Variants in OPN3 observed in about 807,000 individuals in gnomAD.
The protein encoded by OPN3 is opsin-3.
A neutral mutation model predicts 33.8 loss-of-function variants in OPN3; 29 were observed. The observed-to-expected ratio is 0.86, with a 90% CI of 0.64 to 1.17. OPN3 has a LOEUF of 1.17. Among genes scored for constraint, OPN3 ranks in the 50% most tolerant of loss-of-function variants. The pLI is 0.00. For synonymous variants in OPN3, 216 were observed against 216.1 expected (o/e 1.00, Z 0.00); for missense variants, 437 against 514.1 (o/e 0.85, Z 1.45).
intron 1 of OPN3, among the ~76,000 whole-genome samples, chr1:241,628,071 T>G (rs898757360): frequency 1.3e-5 from 2 of 152,008 alleles, no homozygotes; most frequent in African/African-American, 4.8e-5. Flanking sequence ...CTTCGGAGAG[T>G]GTTAAACGAT....
At chr1:241,612,630 A>G (rs996977162) in intron 1 of OPN3, among the ~76,000 whole-genome samples, 1 of 152,194 alleles carries the variant, frequency 6.6e-6, no homozygotes, top group Non-Finnish European at 1.5e-5. Flanking sequence ...AGAATCACGT[A>G]GACCCTGTGA....
chr1:241,604,130 G>A (rs1663755753), intron 2 of OPN3, 130 bp downstream of exon 2: 1 of 742,790 alleles, frequency 1.3e-6, no homozygotes, highest in African/African-American at 1.8e-5. Flanking sequence ...CAACCAGATG[G>A]GAAGTCCCCT....
At chr1:241,595,919 A>G (rs1663494527) in intron 3 of OPN3, among the ~76,000 whole-genome samples, 1 of 152,200 alleles carries the variant, frequency 6.6e-6, no homozygotes, top group South Asian at 2.1e-4. Context: ...TTCCATATAA[A>G]TGGTAAGCTC....
At chr1:241,617,271 T>A (rs540139104) in intron 1 of OPN3, among the ~76,000 whole-genome samples, 2 of 152,288 alleles carry the variant, frequency 1.3e-5, no homozygotes, top group Admixed American at 6.5e-5. Flanking sequence ...CCAAAAAGAT[T>A]ACACAAAGCA....
intron 1 of OPN3, chr1:241,636,120 A>G (rs1573969359): frequency 4.8e-6 from 2 of 417,158 alleles, no homozygotes; most frequent in African/African-American, 4.1e-5. Flanking sequence ...ACAATATAAG[A>G]GAAAAATAAT....
rs977640147 is a variant in OPN3, at chr1:241,640,301, C to T, written c.-47G>A. 73 of 1,113,572 alleles carry T rather than the reference C, an allele frequency of 6.6e-5. No homozygotes were observed. Among genetic ancestry groups the T allele is most frequent in the Non-Finnish European group, 7.0e-5 (64 of 916,080 alleles). The allele number at this position is 1,113,572 out of a possible 1,614,324, so 69.0% of individuals were successfully genotyped here. A position where few individuals can be genotyped will look rare whatever the true frequency, so the allele number is the denominator to read the frequency against. ...GCGGGCGGAGGCGCTCAGCTTGCGG[C>T]GGGGCTCGCGGCGCGCTCCGCACTG... On this transcript the variant is annotated 5_prime_UTR_variant, in exon 1 of 4. Coordinates refer to ENST00000366554, the MANE Select transcript of OPN3 (RefSeq NM_014322.3).
intron 1 of OPN3, chr1:241,635,217 C>T: frequency 1.2e-6 from 2 of 1,613,422 alleles, no homozygotes; most frequent in Non-Finnish European, 1.7e-6. Flanking sequence ...CAAGTTTTAT[C>T]TCCACAATAC....
intron 1 of OPN3, among the ~76,000 whole-genome samples, chr1:241,617,816 G>C (rs1224570994): frequency 2.0e-5 from 3 of 152,154 alleles, no homozygotes; most frequent in Non-Finnish European, 2.9e-5. Context: ...TTGCTATATA[G>C]CCTGTGCAGT....
chr1:241,611,403 G>A (rs999264535), intron 1 of OPN3, among the ~76,000 whole-genome samples: 2 of 151,802 alleles, frequency 1.3e-5, no homozygotes, highest in Admixed American at 6.6e-5. Context: ...TGCCTATAGT[G>A]GGAGGAGGAA....
chr1:241,619,390 G>A (rs1283622328), intron 1 of OPN3, among the ~76,000 whole-genome samples: 4 of 152,090 alleles, frequency 2.6e-5, no homozygotes, highest in African/African-American at 9.7e-5. Flanking sequence ...CTGAGGAAAG[G>A]GCATCTTTTC....
At chr1:241,597,378 G>A (rs1663554878) in intron 3 of OPN3, among the ~76,000 whole-genome samples, 1 of 152,148 alleles carries the variant, frequency 6.6e-6, no homozygotes, top group African/African-American at 2.4e-5. Flanking sequence ...TGCCTATTTT[G>A]TGGAGTTTTG....
chr1:241,597,656 G>C, intron 3 of OPN3, 90 bp downstream of exon 3: 1 of 1,208,574 alleles, frequency 8.3e-7, no homozygotes, highest in Non-Finnish European at 1.1e-6. Flanking sequence ...TTTAATTGAA[G>C]CGACTCTGAA....
intron 1 of OPN3, chr1:241,634,564 AC>A: frequency 6.2e-7 from 1 of 1,613,880 alleles, no homozygotes; most frequent in Non-Finnish European, 8.5e-7. Flanking sequence ...TATGACGAAG[AC>A]AATAGATTCC....
intron 1 of OPN3, among the ~76,000 whole-genome samples, chr1:241,605,784 G>A (rs143743190): frequency 1.1e-4 from 16 of 152,280 alleles, no homozygotes; most frequent in African/African-American, 3.9e-4. Context: ...AGGACACCAA[G>A]GGGTCTATAA....
intron 1 of OPN3, among the ~76,000 whole-genome samples, chr1:241,616,195 T>C (rs1664120869): frequency 6.6e-6 from 1 of 152,180 alleles, no homozygotes; most frequent in African/African-American, 2.4e-5. Flanking sequence ...TTACTTTTGA[T>C]TCCCTGGGAT....
At chr1:241,609,022 C>T (rs1468921806) in intron 1 of OPN3, among the ~76,000 whole-genome samples, 1 of 152,146 alleles carries the variant, frequency 6.6e-6, no homozygotes, top group Non-Finnish European at 1.5e-5. Context: ...ATTTGATTCC[C>T]ACAACACTCC....
At position 241,594,099 on chromosome 1, in the gene OPN3, A is replaced by G. The variant is rs1663419536; in HGVS notation, c.*329T>C. 3.9e-6 allele frequency: 1 copy of G among 258,104 alleles called. No homozygotes were observed. 16.0% of individuals were successfully genotyped at this position (258,104 alleles called of 1,614,324 possible). On this transcript the variant is annotated 3_prime_UTR_variant, in exon 4 of 4. Transcript: ENST00000366554. ...TTTTACAGTAAGGTATTTTCGAGAA[A>G]AATGCATTACGTGTTTTGGAAAATA...
At chr1:241,614,740 C>T (rs1162735171) in intron 1 of OPN3, among the ~76,000 whole-genome samples, 1 of 151,614 alleles carries the variant, frequency 6.6e-6, no homozygotes, top group Admixed American at 6.6e-5. Context: ...GCCTACAGTC[C>T]CATTCGGACA....
At chr1:241,604,646 A>G (rs1248650470) in intron 1 of OPN3, 67 bp from the exon 2 acceptor site, 8 of 1,365,376 alleles carry the variant, frequency 5.9e-6, no homozygotes. Flanking sequence ...GAGACGTGAT[A>G]CATTCTCCAC....
Sources: allele counts gnomAD v4.1 joint callset (sites outside exome capture counted in the v4.1 genomes callset), GRCh38; gene constraint gnomAD v4.1.1; transcripts MANE v1.5; gene names NCBI Gene and HGNC (gene_info 2026-07-23, HGNC 2026-07-21).